TSHZ3: variants seen among roughly 807,000 people sequenced by gnomAD.
TSHZ3 encodes teashirt homolog 3.
Under a neutral mutation model 64.5 loss-of-function variants are expected in TSHZ3, and 10 were observed. The observed-to-expected ratio is 0.16, with a 90% confidence interval of 0.10 to 0.26. The LOEUF is 0.26. TSHZ3 is among the 10% of genes least tolerant of loss of function. TSHZ3 has a pLI of 1.00. For synonymous variants in TSHZ3, 608 were observed against 593.1 expected, an observed-to-expected ratio of 1.03 and a Z score of -0.36; for missense variants, 1,242 against 1,421.7, an observed-to-expected ratio of 0.87 and a Z score of 2.03.
At chr19:31,295,274 ACT>A (rs1202309916) in intron 1 of TSHZ3, among the ~76,000 whole-genome samples, 1 of 152,038 alleles carries the variant, frequency 6.6e-6, no homozygotes, top group Non-Finnish European at 1.5e-5. Context: ...ACTTACACAT[ACT>A]CTGTGTGACC....
At position 31,224,231 on chromosome 19, in the gene TSHZ3, A is replaced by T. The variant is rs578082675; in HGVS notation, n.686+3774T>A. Among the ~76,000 whole-genome samples, 4 of 152,250 alleles carry T rather than the reference A, an allele frequency of 2.6e-5. No individual in the cohort carries two copies. In the South Asian group the frequency reaches 8.3e-4, roughly 32 times the overall value. On this transcript the variant is annotated intron_variant and non_coding_transcript_variant, in intron 4 of 6. Transcript: ENST00000651361. ...CATGCTGTATGCACTCTACTTTCTG[A>T]TATGTATTGCTTTCTCCAACTGGGA...
At chr19:31,314,065 G>A (rs1916537515) in intron 1 of TSHZ3, among the ~76,000 whole-genome samples, 1 of 152,190 alleles carries the variant, frequency 6.6e-6, no homozygotes, top group Non-Finnish European at 1.5e-5. Context: ...CCTCTCGAGT[G>A]GCTGTTGGGC....
At position 31,319,061 on chromosome 19, in the gene TSHZ3, T is replaced by A. The variant is rs1462281093; in HGVS notation, c.40+30119A>T. On this transcript the variant is annotated intron_variant, in intron 1 of 1. Transcript: ENST00000240587. The stretch of plus-strand genomic sequence containing the variant: ...GGAGACCAGGGACCTGAGAAGTTGC[T>A]TTTCCTGGGTGAGTACATCTGAATA... Among the ~76,000 whole-genome samples the A allele has an allele frequency of 5.3e-5, 8 of 152,214 alleles. No individual in the cohort carries two copies. The East Asian group carries it at 1.5e-3, about 29-fold the overall frequency.
intron 3 of TSHZ3, among the ~76,000 whole-genome samples, chr19:31,242,124 G>A (rs1417870947): frequency 6.6e-6 from 1 of 152,126 alleles, no homozygotes; most frequent in Non-Finnish European, 1.5e-5. Flanking sequence ...CTCACATATG[G>A]CAGCCCTGGT....
chr19:31,178,712 C>T (rs1974652052), intron 5 of TSHZ3, among the ~76,000 whole-genome samples: 1 of 152,146 alleles, frequency 6.6e-6, no homozygotes, highest in Non-Finnish European at 1.5e-5. Flanking sequence ...ATCCTTGCCT[C>T]TCTCTTTGCA....
At chr19:31,274,742 C>A (rs1029596080), downstream of TSHZ3, among the ~76,000 whole-genome samples, 1 of 151,732 alleles carries the variant, frequency 6.6e-6, no homozygotes, top group Admixed American at 6.6e-5. Context: ...AGATCCTATT[C>A]GAGCTGCCTC....
At chr19:31,246,303 A>C (rs185438003) in intron 1 of TSHZ3, among the ~76,000 whole-genome samples, 7 of 152,332 alleles carry the variant, frequency 4.6e-5, no homozygotes, top group Non-Finnish European at 8.8e-5. Context: ...GTATGGGTGA[A>C]TGTGGAGGAT....
chr19:31,221,778 T>C (rs1001592824), intron 4 of TSHZ3, among the ~76,000 whole-genome samples: 4 of 152,214 alleles, frequency 2.6e-5, no homozygotes, highest in African/African-American at 7.2e-5. Flanking sequence ...CTAAATATGG[T>C]GCACTTCCTG....
At chr19:31,338,172 A>G (rs555490258) in intron 1 of TSHZ3, among the ~76,000 whole-genome samples, 1 of 152,318 alleles carries the variant, frequency 6.6e-6, no homozygotes, top group South Asian at 2.1e-4. Flanking sequence ...AGAGGTGGAA[A>G]GGCCAGAGCT....
intron 1 of TSHZ3, among the ~76,000 whole-genome samples, chr19:31,261,334 A>C (rs1945358768): frequency 6.6e-6 from 1 of 152,220 alleles, no homozygotes; most frequent in South Asian, 2.1e-4. Flanking sequence ...GCCTGAGCTT[A>C]GGGGAATGTT....
intron 3 of TSHZ3, among the ~76,000 whole-genome samples, chr19:31,230,181 G>A (rs1331615804): frequency 2.0e-5 from 3 of 152,046 alleles, no homozygotes; most frequent in Non-Finnish European, 4.4e-5. Flanking sequence ...ATAAAGTATG[G>A]TGCATTATAA....
intron 4 of TSHZ3, among the ~76,000 whole-genome samples, chr19:31,211,394 T>C (rs1975257353): frequency 6.6e-6 from 1 of 152,158 alleles, no homozygotes. Context: ...AGAGGTAAGA[T>C]GGACTACAGC....
At chr19:31,223,401 T>TGTGTGA (rs1325168756) in intron 4 of TSHZ3, among the ~76,000 whole-genome samples, 3 of 139,550 alleles carry the variant, frequency 2.1e-5, no homozygotes, top group African/African-American at 8.0e-5. Context: ...TGTGTGTGTG[T>TGTGTGA]GACAGAGAGA....
chr19:31,240,549 G>A (rs1283444615), intron 3 of TSHZ3, among the ~76,000 whole-genome samples: 4 of 152,134 alleles, frequency 2.6e-5, no homozygotes, highest in Admixed American at 6.5e-5. Flanking sequence ...CCTATGAAAA[G>A]ATGGACGTGA....
At chr19:31,229,509 A>C (rs1353986604) in intron 3 of TSHZ3, among the ~76,000 whole-genome samples, 3 of 152,214 alleles carry the variant, frequency 2.0e-5, no homozygotes, top group Non-Finnish European at 2.9e-5. Flanking sequence ...GCGGATTATA[A>C]ATTTAAAAAT....
exon 7 of TSHZ3, among the ~76,000 whole-genome samples, chr19:31,150,437 A>C (rs1329744095): frequency 2.0e-5 from 3 of 152,232 alleles, no homozygotes; most frequent in Admixed American, 2.0e-4. Flanking sequence ...TCAAGAAGAC[A>C]GCCAGGGTAC....
At chr19:31,317,926 G>T (rs1282140354) in intron 1 of TSHZ3, among the ~76,000 whole-genome samples, 1 of 152,218 alleles carries the variant, frequency 6.6e-6, no homozygotes, top group Non-Finnish European at 1.5e-5. Flanking sequence ...TCATTTGTGT[G>T]TGAACATTCG....
Position 31,278,420 on chromosome 19 carries a change from G to A in TSHZ3, c.1373C>T (p.Thr458Ile). 6.2e-7 allele frequency: 1 copy of A among 1,614,184 alleles called. No individual in the cohort carries two copies. The highest frequency in any genetic ancestry group is 8.5e-7 in the Non-Finnish European group (1 of 1,180,038). Reference sequence around the variant, plus strand: ...CAGTTTTGGGGAGATGCTGGCAGGTGTATTGGAGGGGGACGTGAAGGTGGT... The same window carrying A: ...CAGTTTTGGGGAGATGCTGGCAGGTATATTGGAGGGGGACGTGAAGGTGGT... ...AATTFTSPSN[T>I]PASISPKLNV... is the part of the protein sequence containing the mutation. The change falls in exon 2 of 2, where the codon ACA becomes ATA. Residue 458 changes from threonine (T) to isoleucine (I), a missense_variant. Coordinates refer to ENST00000240587, the MANE Select transcript of TSHZ3 (RefSeq NM_020856.4). The surrounding 1 kb of genome is among the most constrained non-coding windows in gnomAD (Gnocchi z 4.7).
rs535663504 is a variant in TSHZ3, at chr19:31,303,271, G to A, written c.41-23519C>T. On this transcript the variant is annotated intron_variant, in intron 1 of 1. Coordinates refer to ENST00000240587, the MANE Select transcript of TSHZ3 (RefSeq NM_020856.4). Reference sequence around the variant, plus strand: ...CTGAAGATGGTGGAGCTGCTGACCCGCAGGCCTGAGTGTTGTAAAGGGACC... The same window carrying A: ...CTGAAGATGGTGGAGCTGCTGACCCACAGGCCTGAGTGTTGTAAAGGGACC... Among the ~76,000 whole-genome samples, 5 of 152,276 alleles carry A rather than the reference G, an allele frequency of 3.3e-5. No individual in the cohort carries two copies. The East Asian group carries it at 5.8e-4, about 18-fold the overall frequency.
Sources: gnomAD v4.1 joint callset for allele counts (sites outside exome capture counted in the v4.1 genomes callset) on GRCh38, gnomAD v4.1.1 for gene constraint, Gnocchi (gnomAD v3.1) non-coding constraint, MANE v1.5 for transcripts, NCBI Gene and HGNC (gene_info 2026-07-23, HGNC 2026-07-21) for gene names.